RAB5A: variants seen among roughly 807,000 people sequenced by gnomAD.
RAB5A encodes RAB5A, member RAS oncogene family, also known as ras-related protein Rab-5A.
A neutral mutation model predicts 25.7 loss-of-function variants in RAB5A; 8 were observed. That is an observed-to-expected ratio of 0.31 (90% CI 0.18 to 0.56). The LOEUF (loss-of-function observed/expected upper bound fraction) is 0.56, where lower values mean the gene tolerates loss of function less well. Among genes scored for constraint, RAB5A ranks in the 20% least tolerant of loss-of-function variants. The pLI, the probability that RAB5A is intolerant of heterozygous loss-of-function variation, is 0.91. For missense variants in RAB5A, 192 were observed against 259.7 expected (o/e 0.74, Z 1.79); for synonymous variants, 98 against 89.8 (o/e 1.09, Z -0.52).
At chr3:19,978,208 G>T in intron 4 of RAB5A, 102 bp from the exon 5 acceptor site, 1 of 778,312 alleles carries the variant, frequency 1.3e-6, no homozygotes, top group Non-Finnish European at 2.3e-6. Context: ...GAATCAGGTT[G>T]TAGTAATAAG....
At chr3:19,981,254 C>A (rs972398246) in intron 5 of RAB5A, among the ~76,000 whole-genome samples, 1 of 152,168 alleles carries the variant, frequency 6.6e-6, no homozygotes, top group Non-Finnish European at 1.5e-5. Flanking sequence ...AAGTGATATG[C>A]ATTTAGTACA....
Position 19,961,065 on chromosome 3 carries a change from A to G in RAB5A, c.163+10004A>G, listed in dbSNP as rs573946761. ...TAACATGAATAGAATTTTCTCCTCT[A>G]TTGCATTCATAAGTAATTTGTAAAT... On this transcript the variant is annotated intron_variant, in intron 2 of 5. Coordinates refer to ENST00000273047, the MANE Select transcript of RAB5A (RefSeq NM_004162.5). 8.2e-4 allele frequency among the ~76,000 whole-genome samples: 125 copies of G among 152,310 alleles called. 1 individual carries two copies. Among genetic ancestry groups the G allele is most frequent in the Non-Finnish European group, 1.2e-3 (79 of 68,016 alleles).
chr3:19,979,156 T>G (rs1371377597), intron 5 of RAB5A, among the ~76,000 whole-genome samples: 1 of 152,092 alleles, frequency 6.6e-6, no homozygotes, highest in Non-Finnish European at 1.5e-5. Flanking sequence ...TTTGTATTTA[T>G]AGTAGAGACA....
chr3:19,977,319 C>T (rs574615404), intron 4 of RAB5A, among the ~76,000 whole-genome samples: 27 of 152,266 alleles, frequency 1.8e-4, no homozygotes, highest in Admixed American at 1.4e-3. Flanking sequence ...TGTGATCCAC[C>T]CGCCTCCGCC....
At chr3:19,971,263 G>A (rs1007922955) in intron 2 of RAB5A, among the ~76,000 whole-genome samples, 3 of 150,718 alleles carry the variant, frequency 2.0e-5, no homozygotes, top group African/African-American at 7.3e-5. Flanking sequence ...AATCATGAAC[G>A]TCTTAGGGTG....
chr3:19,947,579 G>T (rs2125175309), intron 1 of RAB5A, 58 bp downstream of exon 1: 1 of 152,448 alleles, frequency 6.6e-6, no homozygotes, highest in African/African-American at 2.4e-5. Context: ...GTTATCCGCG[G>T]TCCCCAGCCT....
chr3:19,950,679 A>G (rs1470388593), intron 1 of RAB5A, 127 bp from the exon 2 acceptor site: 5 of 410,630 alleles, frequency 1.2e-5, no homozygotes, highest in African/African-American at 4.0e-5. Context: ...AGATAGTGAC[A>G]TAATCTAAAG....
chr3:19,950,792 T>C lies in RAB5A; in HGVS notation c.-93-14T>C. ...ACTGATTTGTATATTTAATTCATAA[T>C]TGTTTCTTTACAGGTTTCTTTACCT... On this transcript the variant is annotated splice_polypyrimidine_tract_variant and intron_variant, in intron 1 of 5. Coordinates refer to ENST00000273047, the MANE Select transcript of RAB5A (RefSeq NM_004162.5). The C allele has an allele frequency of 9.1e-7, 1 of 1,099,498 alleles. No homozygotes were observed. Among genetic ancestry groups the C allele is most frequent in the Non-Finnish European group, 1.3e-6 (1 of 786,226 alleles). The allele number at this position is 1,099,498 out of a possible 1,614,324, so 68.1% of individuals were successfully genotyped here. A position where few individuals can be genotyped will look rare whatever the true frequency, so the allele number is the denominator to read the frequency against.
intron 2 of RAB5A, 156 bp from the exon 3 acceptor site, chr3:19,975,445 C>A (rs1363274545): frequency 1.8e-6 from 1 of 545,148 alleles, no homozygotes; most frequent in Non-Finnish European, 3.0e-6. Flanking sequence ...CTTTTTTTTT[C>A]CCCCCTCATT....
chr3:19,975,400 G>A (rs1696808587), intron 2 of RAB5A: 1 of 471,856 alleles, frequency 2.1e-6, no homozygotes, highest in Non-Finnish European at 3.7e-6. Flanking sequence ...ATTATCAGCT[G>A]TGGGTATGCA....
chr3:19,969,972 TTGTATTTTTAGTAGAGA>T (rs1335438334), intron 2 of RAB5A, among the ~76,000 whole-genome samples: 3 of 150,590 alleles, frequency 2.0e-5, no homozygotes, highest in Non-Finnish European at 4.4e-5. Context: ...CCCGGCTAAT[TTGTATTTTTAGTAGAGA>T]CGGGTTTTCA....
chr3:19,983,660 T>C (rs752586449), intron 5 of RAB5A, 48 bp from the exon 6 acceptor site: 2 of 1,244,508 alleles, frequency 1.6e-6, no homozygotes, highest in Non-Finnish European at 2.3e-6. Flanking sequence ...GAAACTGATA[T>C]TAATATGAGT....
intron 1 of RAB5A, chr3:19,947,819 C>T (rs1696347353): frequency 6.6e-6 from 1 of 152,536 alleles, no homozygotes; most frequent in Non-Finnish European, 1.5e-5. Context: ...CGCGGTTCCG[C>T]CTGGTCTCCG....
chr3:19,965,395 G>A (rs1559489035), intron 2 of RAB5A, among the ~76,000 whole-genome samples: 1 of 149,654 alleles, frequency 6.7e-6, no homozygotes, highest in Non-Finnish European at 1.5e-5. Flanking sequence ...GCCCCAACCT[G>A]GGTGACAGTG....
chr3:19,979,239 TG>T (rs933989204), intron 5 of RAB5A, among the ~76,000 whole-genome samples: 2 of 151,922 alleles, frequency 1.3e-5, no homozygotes. Flanking sequence ...CCTCCCAAAG[TG>T]CTGGGATTAC....
rs978901328 is a variant in RAB5A, at chr3:19,978,231, T to C, written c.439-79T>C. ...TTGTAGTAATAAGAAAGTCTCCTTT[T>C]CTATAACAAGTTTAAAGCAGGTGTA... On this transcript the variant is annotated intron_variant, in intron 4 of 5. Coordinates refer to ENST00000273047, the MANE Select transcript of RAB5A (RefSeq NM_004162.5). 8 of 929,362 alleles carry C rather than the reference T, an allele frequency of 8.6e-6. No individual in the cohort carries two copies. The African/African-American group carries it at 1.3e-4, about 15-fold the overall frequency. The allele number at this position is 929,362 out of a possible 1,614,324, so 57.6% of individuals were successfully genotyped here.
chr3:19,974,307 A>C (rs866899257), intron 2 of RAB5A, among the ~76,000 whole-genome samples: 1 of 151,968 alleles, frequency 6.6e-6, no homozygotes, highest in Non-Finnish European at 1.5e-5. Context: ...GGCAAGCGCC[A>C]CCATGTCGAG....
intron 2 of RAB5A, among the ~76,000 whole-genome samples, chr3:19,951,527 A>C (rs919504938): frequency 4.6e-5 from 7 of 152,126 alleles, no homozygotes; most frequent in Non-Finnish European, 1.0e-4. Context: ...TGCTAGATGT[A>C]CTTTTTTTTG....
chr3:19,978,517 T>TTATG, intron 5 of RAB5A, 114 bp downstream of exon 5: 1 of 656,758 alleles, frequency 1.5e-6, no homozygotes, highest in Middle Eastern at 2.6e-4. Flanking sequence ...GTGTGTATGT[T>TTATG]TATGTGTGTG....
Sources: gnomAD v4.1 joint callset for allele counts (sites outside exome capture counted in the v4.1 genomes callset) on GRCh38, gnomAD v4.1.1 for gene constraint, MANE v1.5 for transcripts, NCBI Gene and HGNC (gene_info 2026-07-23, HGNC 2026-07-21) for gene names.